The following NCAM2 variants were observed in gnomAD, a reference collection of about 807,000 sequenced individuals.
The protein encoded by NCAM2 is neural cell adhesion molecule 2.
NCAM2 carries 30 observed loss-of-function variants against 98.1 expected under a neutral mutation model. The ratio of observed to expected loss-of-function variants is 0.31; its 90% CI spans 0.23 to 0.41. The LOEUF is 0.41. Ranked by LOEUF, NCAM2 falls within the 10% of genes least tolerant of loss-of-function variation. The pLI is 1.00. For synonymous variants in NCAM2, 368 were observed against 342.4 expected, an observed-to-expected ratio of 1.07 and a Z score of -0.83; for missense variants, 867 against 1,005.8, an observed-to-expected ratio of 0.86 and a Z score of 1.87.
At chr21:21,313,296 A>T (rs1411741730) in intron 5 of NCAM2, among the ~76,000 whole-genome samples, 2 of 151,856 alleles carry the variant, frequency 1.3e-5, no homozygotes, top group African/African-American at 4.8e-5. Flanking sequence ...CTAGTTTATT[A>T]GGCTATCCCA....
intron 1 of NCAM2, among the ~76,000 whole-genome samples, chr21:21,111,413 T>C (rs117646021): frequency 0.029 from 4,441 of 152,230 alleles, 97 homozygotes; most frequent in Middle Eastern, 0.065. Flanking sequence ...AGAAGTGATA[T>C]CAGGCTAAGC....
At chr21:21,097,521 G>A (rs2066148541) in intron 1 of NCAM2, among the ~76,000 whole-genome samples, 2 of 151,446 alleles carry the variant, frequency 1.3e-5, no homozygotes, top group Non-Finnish European at 3.0e-5. Context: ...TTTTTTATAT[G>A]CTTACTATTT....
chr21:21,240,649 G>C (rs1372319226), intron 1 of NCAM2, among the ~76,000 whole-genome samples: 1 of 152,102 alleles, frequency 6.6e-6, no homozygotes, highest in African/African-American at 2.4e-5. Flanking sequence ...TTTTCTAATA[G>C]TTTATTAATT....
intron 1 of NCAM2, among the ~76,000 whole-genome samples, chr21:21,262,658 C>CAAAAAAAAAAAAA (rs33912324): frequency 2.5e-5 from 2 of 78,968 alleles, no homozygotes; most frequent in East Asian, 9.8e-4. Flanking sequence ...AACAATCAGT[C>CAAAAAAAAAAAAA]AAAAAAAAAA....
At chr21:21,104,586 A>AT (rs1373094959) in intron 1 of NCAM2, among the ~76,000 whole-genome samples, 1 of 151,856 alleles carries the variant, frequency 6.6e-6, no homozygotes, top group Non-Finnish European at 1.5e-5. Context: ...AGAGGGGTTA[A>AT]TTTTTTTTCG....
At chr21:21,076,882 A>T (rs1055730095) in intron 1 of NCAM2, among the ~76,000 whole-genome samples, 1 of 152,168 alleles carries the variant, frequency 6.6e-6, no homozygotes, top group Non-Finnish European at 1.5e-5. Flanking sequence ...GAAGGGTAGT[A>T]GAATTGGAGG....
chr21:21,125,406 T>G (rs2066772408), intron 1 of NCAM2, among the ~76,000 whole-genome samples: 4 of 141,974 alleles, frequency 2.8e-5, no homozygotes, highest in Admixed American at 7.5e-5. Flanking sequence ...ATGTAATATA[T>G]AATATTTTAC....
intron 1 of NCAM2, among the ~76,000 whole-genome samples, chr21:21,060,023 A>G (rs926787525): frequency 3.9e-5 from 6 of 152,092 alleles, no homozygotes; most frequent in Non-Finnish European, 1.5e-5. Flanking sequence ...GATGTGAAAT[A>G]TAATTTCACA....
chr21:21,085,353 C>A (rs1039257337), intron 1 of NCAM2, among the ~76,000 whole-genome samples: 2 of 152,278 alleles, frequency 1.3e-5, no homozygotes, highest in East Asian at 3.9e-4. Flanking sequence ...CCCTCTACCC[C>A]TCCCTGCCCT....
At chr21:21,012,745 C>T (rs1480688124) in intron 1 of NCAM2, among the ~76,000 whole-genome samples, 2 of 152,024 alleles carry the variant, frequency 1.3e-5, no homozygotes, top group Non-Finnish European at 2.9e-5. Flanking sequence ...CCCCCTGTGT[C>T]AAGCAAATCT....
At chr21:21,467,912 T>C (rs1246758577) in intron 13 of NCAM2, among the ~76,000 whole-genome samples, 1 of 151,916 alleles carries the variant, frequency 6.6e-6, no homozygotes, top group Non-Finnish European at 1.5e-5. Context: ...AATAACCTGC[T>C]GAGAAGAAAT....
intron 12 of NCAM2, among the ~76,000 whole-genome samples, chr21:21,453,000 A>T (rs13050029): frequency 1.0e-5 from 1 of 96,024 alleles, no homozygotes; most frequent in African/African-American, 4.7e-5. Context: ...ATATTATATA[A>T]TATATAATAT....
intron 1 of NCAM2, among the ~76,000 whole-genome samples, chr21:21,271,001 A>G (rs1601827971): frequency 6.6e-6 from 1 of 151,408 alleles, no homozygotes; most frequent in Non-Finnish European, 1.5e-5. Flanking sequence ...CCTCTTTTGG[A>G]CATCAATTAG....
intron 12 of NCAM2, among the ~76,000 whole-genome samples, chr21:21,452,702 AAATAT>A (rs1981365448): frequency 8.9e-6 from 1 of 111,816 alleles, no homozygotes; most frequent in Non-Finnish European, 1.7e-5. Context: ...ATCATTTTAA[AAATAT>A]AATATATATT....
At chr21:21,500,958 A>C (rs1475396452) in intron 15 of NCAM2, among the ~76,000 whole-genome samples, 1 of 152,058 alleles carries the variant, frequency 6.6e-6, no homozygotes. Flanking sequence ...TATTCTCAAT[A>C]TCCCCACCAT....
intron 9 of NCAM2, among the ~76,000 whole-genome samples, chr21:21,376,719 G>C (rs1438704287): frequency 6.6e-6 from 1 of 151,686 alleles, no homozygotes; most frequent in Non-Finnish European, 1.5e-5. Context: ...AGTACAAGTT[G>C]CTTTTGATCA....
chr21:21,160,573 G>A (rs2067752234), intron 1 of NCAM2, among the ~76,000 whole-genome samples: 1 of 151,844 alleles, frequency 6.6e-6, no homozygotes, highest in African/African-American at 2.4e-5. Flanking sequence ...AAACAACTTA[G>A]GGACTATACT....
chr21:21,356,312 A>G (rs556017504), intron 8 of NCAM2, among the ~76,000 whole-genome samples: 23 of 152,136 alleles, frequency 1.5e-4, no homozygotes, highest in East Asian at 1.4e-3. Context: ...TTTTATTGCA[A>G]TTTAATATTG....
At chr21:21,272,480 G>A (rs1317085437) in intron 1 of NCAM2, among the ~76,000 whole-genome samples, 5 of 142,104 alleles carry the variant, frequency 3.5e-5, no homozygotes, top group East Asian at 4.2e-4. Flanking sequence ...AAAAAAACAC[G>A]CACACATACA....
Sources: gnomAD v4.1 joint callset for allele counts (sites outside exome capture counted in the v4.1 genomes callset) on GRCh38, gnomAD v4.1.1 for gene constraint, MANE v1.5 for transcripts, NCBI Gene and HGNC (gene_info 2026-07-23, HGNC 2026-07-21) for gene names.